Variants in CBL observed in about 807,000 individuals in gnomAD.
CBL encodes Cbl proto-oncogene.
A neutral mutation model predicts 96.9 loss-of-function variants in CBL; 45 were observed. The observed-to-expected ratio is 0.46, with a 90% CI of 0.37 to 0.60. The LOEUF (loss-of-function observed/expected upper bound fraction) is 0.60, where lower values mean the gene tolerates loss of function less well. Among genes scored for constraint, CBL ranks in the 20% least tolerant of loss-of-function variants. The pLI, the probability that CBL is intolerant of heterozygous loss-of-function variation, is 0.00. For synonymous variants in CBL, 420 were observed against 426.8 expected, an observed-to-expected ratio of 0.98 and a Z score of 0.20; for missense variants, 1,024 against 1,143.5, an observed-to-expected ratio of 0.90 and a Z score of 1.51.
At chr11:119,208,803 T>G (rs1163425425) in intron 1 of CBL, among the ~76,000 whole-genome samples, 1 of 152,218 alleles carries the variant, frequency 6.6e-6, no homozygotes, top group African/African-American at 2.4e-5. Context: ...AAATCCTCCC[T>G]TAAGTCTTAC....
At chr11:119,299,259 C>T (rs182200210) in intron 15 of CBL, among the ~76,000 whole-genome samples, 1 of 152,284 alleles carries the variant, frequency 6.6e-6, no homozygotes, top group Admixed American at 6.5e-5. Flanking sequence ...TTTATGATTG[C>T]AGTGGTTATT....
chr11:119,247,770 C>T (rs780901168), intron 2 of CBL, among the ~76,000 whole-genome samples: 1 of 152,132 alleles, frequency 6.6e-6, no homozygotes, highest in Non-Finnish European at 1.5e-5. Flanking sequence ...CGAGATCATG[C>T]CACTGCACTT....
rs370036017 is a variant in CBL at position 119,255,131 on chromosome 11, G to A, written c.444-16604G>A. 7.2e-5 allele frequency among the ~76,000 whole-genome samples: 11 copies of A among 152,250 alleles called. No homozygotes were observed. The East Asian group carries it at 1.2e-3, about 16-fold the overall frequency. On this transcript the variant is annotated intron_variant, in intron 2 of 15. Transcript: ENST00000264033. ...CCTAACCTTCTTTATGGGATTGAGC[G>A]TGATAAGTGAAGTTAAAAAGCGTGA...
intron 2 of CBL, among the ~76,000 whole-genome samples, chr11:119,266,111 G>A (rs975904235): frequency 2.0e-5 from 3 of 151,934 alleles, no homozygotes; most frequent in African/African-American, 4.8e-5. Flanking sequence ...TGAGAGGATC[G>A]CTTGAGTCTG....
intron 1 of CBL, among the ~76,000 whole-genome samples, chr11:119,213,386 T>C (rs924870614): frequency 2.0e-5 from 3 of 152,202 alleles, no homozygotes; most frequent in South Asian, 2.1e-4. Context: ...ATAAATGATA[T>C]ATAAGTGATG....
At chr11:119,223,334 T>C (rs1231198367) in intron 1 of CBL, among the ~76,000 whole-genome samples, 3 of 151,212 alleles carry the variant, frequency 2.0e-5, no homozygotes, top group African/African-American at 7.3e-5. Flanking sequence ...GCCTGGCCTT[T>C]TTAAAATTTT....
intron 1 of CBL, among the ~76,000 whole-genome samples, chr11:119,221,164 A>T: frequency 6.6e-6 from 1 of 151,508 alleles, no homozygotes; most frequent in Admixed American, 6.6e-5. Context: ...AATTGCTTGA[A>T]CCTGGGAGGT....
chr11:119,211,692 T>A (rs973382888), intron 1 of CBL, among the ~76,000 whole-genome samples: 2 of 151,730 alleles, frequency 1.3e-5, no homozygotes, highest in Non-Finnish European at 2.9e-5. Flanking sequence ...TTAGTAGAGA[T>A]GAGGTTTTGC....
At chr11:119,214,630 G>C (rs1949343482) in intron 1 of CBL, among the ~76,000 whole-genome samples, 1 of 152,176 alleles carries the variant, frequency 6.6e-6, no homozygotes, top group Non-Finnish European at 1.5e-5. Flanking sequence ...CTTAAAGGTT[G>C]GTGTTTCTTC....
chr11:119,247,102 G>A (rs1949637116), intron 2 of CBL, among the ~76,000 whole-genome samples: 2 of 152,172 alleles, frequency 1.3e-5, no homozygotes, highest in Non-Finnish European at 2.9e-5. Context: ...AGGTGACAGG[G>A]CACTTCATTT....
At chr11:119,276,191 C>G (rs1644970439) in intron 6 of CBL, 57 bp downstream of exon 6, 1 of 1,534,558 alleles carries the variant, frequency 6.5e-7, no homozygotes, top group South Asian at 1.1e-5. Context: ...GCTGTCCAAC[C>G]TCATCATTAA....
intron 2 of CBL, among the ~76,000 whole-genome samples, chr11:119,248,076 A>G (rs1340691560): frequency 2.0e-5 from 3 of 152,200 alleles, no homozygotes; most frequent in African/African-American, 4.8e-5. Context: ...AGTCATTGCA[A>G]TACCTATCAA....
intron 2 of CBL, among the ~76,000 whole-genome samples, chr11:119,267,481 C>T (rs932881007): frequency 7.9e-5 from 12 of 152,134 alleles, no homozygotes; most frequent in Admixed American, 7.9e-4. Flanking sequence ...CAAAGATAAC[C>T]AGCATGGTCC....
In CBL at chr11:119,264,388, T is replaced by TTTCTTTTCTCTTCTCTTCTC. The variant is rs1555228856; in HGVS notation, c.444-7343_444-7342insTTTCTCTTCTCTTCTCTTCT. 1.4e-4 allele frequency among the ~76,000 whole-genome samples: 19 copies of TTTCTTTTCTCTTCTCTTCTC among 133,848 alleles called. No homozygotes were observed. The South Asian group carries it at 2.8e-3, about 20-fold the overall frequency. The allele number at this position is 133,848 out of a possible 152,430, so 87.8% of individuals were successfully genotyped here. On this transcript the variant is annotated intron_variant, in intron 2 of 15. Transcript: ENST00000264033. The stretch of plus-strand genomic sequence containing the variant: ...TCTTTTATTATGATCTTTCTTTTCT[T>TTTCTTTTCTCTTCTCTTCTC]TTCTCTTCTCTTCTCTTCTCTTCTC...
intron 2 of CBL, among the ~76,000 whole-genome samples, chr11:119,255,574 C>T (rs1288603312): frequency 6.6e-6 from 1 of 151,824 alleles, no homozygotes; most frequent in African/African-American, 2.4e-5. Context: ...TCTCTGGATT[C>T]TAGTAATCAT....
At chr11:119,274,694 C>A (rs2135299862) in intron 4 of CBL, 138 bp from the exon 5 acceptor site, 1 of 791,326 alleles carries the variant, frequency 1.3e-6, no homozygotes, top group Non-Finnish European at 2.1e-6. Context: ...ACACATGTGT[C>A]TTCTCTCTGA....
intron 1 of CBL, among the ~76,000 whole-genome samples, chr11:119,219,004 G>A (rs1677014780): frequency 6.6e-6 from 1 of 152,090 alleles, no homozygotes; most frequent in Non-Finnish European, 1.5e-5. Context: ...TATCACTTGT[G>A]TCCAGGAGTT....
rs1013233378 is a variant in CBL at position 119,261,973 on chromosome 11, T to A, written c.444-9762T>A. On this transcript the variant is annotated intron_variant, in intron 2 of 15. Coordinates refer to ENST00000264033, the MANE Select transcript of CBL (RefSeq NM_005188.4). ...TTGACTCTTGTATAAGTGATTTTTT[T>A]AAAAAAGATATAAGAAAGAAGGTGT... 6.0e-4 allele frequency among the ~76,000 whole-genome samples: 92 copies of A among 152,284 alleles called. 2 individuals carry two copies. Among genetic ancestry groups the A allele is most frequent in the Non-Finnish European group, 1.1e-3 (76 of 68,028 alleles).
intron 2 of CBL, among the ~76,000 whole-genome samples, chr11:119,243,363 T>A (rs576563678): frequency 1.2e-4 from 19 of 152,142 alleles, no homozygotes; most frequent in African/African-American, 3.9e-4. Context: ...GAGAGATTGG[T>A]CTGTGTTTTC....
Sources: allele counts gnomAD v4.1 joint callset (sites outside exome capture counted in the v4.1 genomes callset), GRCh38; gene constraint gnomAD v4.1.1; transcripts MANE v1.5; gene names NCBI Gene and HGNC (gene_info 2026-07-23, HGNC 2026-07-21).